Variants in SPAAR observed in about 807,000 individuals in gnomAD.
The protein encoded by SPAAR is small regulatory polypeptide of amino acid response.
For missense variants in SPAAR, 59 were observed against 39.9 expected, an observed-to-expected ratio of 1.48 and a Z score of -1.29; for synonymous variants, 27 against 15.9, an observed-to-expected ratio of 1.70 and a Z score of -1.66.
In SPAAR at chr9:35,910,648, C is replaced by T. The variant is rs1342342674; in HGVS notation, c.185C>T (p.Ala62Val). The stretch of plus-strand genomic sequence containing the variant: ...CTCTTCACGGGGCCTGTTCGCCATG[C>T]CCAGCCAGTGCCAAGTGCCCAGGAC... The part of the protein sequence containing the change: ...ASLFTGPVRH[A>V]QPVPSAQDFW... The change falls in exon 2 of 2, where the codon GCC (alanine) becomes GTC (valine). Residue 62 changes from alanine (A) to valine (V), a missense_variant. Coordinates refer to ENST00000443779, the MANE Select transcript of SPAAR (RefSeq NM_001348107.3). The T allele has an allele frequency of 4.3e-6, 3 of 702,504 alleles. No homozygotes were observed. The highest frequency in any genetic ancestry group is 7.8e-6 in the Non-Finnish European group (3 of 384,776). 43.5% of individuals were successfully genotyped at this position (702,504 alleles called of 1,614,324 possible).
At position 35,910,383 on chromosome 9, in the gene SPAAR, G is replaced by T; in HGVS notation, c.-81G>T. The T allele has an allele frequency of 1.4e-6, 1 of 694,284 alleles. No individual in the cohort carries two copies. The highest frequency in any genetic ancestry group is 2.6e-6 in the Non-Finnish European group (1 of 380,534). 43.0% of individuals were successfully genotyped at this position (694,284 alleles called of 1,614,324 possible). A position where few individuals can be genotyped will look rare whatever the true frequency, so the allele number is the denominator to read the frequency against. ...GGAAGGAGAGCCGCCGGAGGAGCAC[G>T]GGGCACCTGCGATCGCGAAGAGCCT... On this transcript the variant is annotated 5_prime_UTR_variant, in exon 2 of 2. Transcript: ENST00000443779.
chr9:35,910,840 C>G lies in SPAAR; in HGVS notation c.*149C>G, dbSNP rs1246213598. On this transcript the variant is annotated 3_prime_UTR_variant, in exon 2 of 2. Coordinates refer to ENST00000443779, the MANE Select transcript of SPAAR (RefSeq NM_001348107.3). ...ACTTCCCGTCTCCTCCCATTCCAGC[C>G]TTCTGTGCCCTCCAGCCTCAGGGAT... 14 of 602,954 alleles carry G rather than the reference C, an allele frequency of 2.3e-5. No homozygotes were observed. The highest frequency in any genetic ancestry group is 3.8e-5 in the Non-Finnish European group (13 of 339,434). 37.4% of individuals were successfully genotyped at this position (602,954 alleles called of 1,614,324 possible). A position where few individuals can be genotyped will look rare whatever the true frequency, so the allele number is the denominator to read the frequency against.
chr9:35,910,930 A>G lies in SPAAR; in HGVS notation c.*239A>G, dbSNP rs981742673. On this transcript the variant is annotated 3_prime_UTR_variant, in exon 2 of 2. Coordinates refer to ENST00000443779, the MANE Select transcript of SPAAR (RefSeq NM_001348107.3). ...GATGGGGCTTAGGAGAGCTCTGAGG[A>G]GTGAGTGAACAGACAGCGCCGGAGT... 3.3e-4 allele frequency: 171 copies of G among 511,310 alleles called. No homozygotes were observed. The highest frequency in any genetic ancestry group is 1.0e-3 in the Middle Eastern group (2 of 1,990). 31.7% of individuals were successfully genotyped at this position (511,310 alleles called of 1,614,324 possible).
At chr9:35,909,842 C>T (rs1833145339) in intron 1 of SPAAR, among the ~76,000 whole-genome samples, 1 of 152,144 alleles carries the variant, frequency 6.6e-6, no homozygotes, top group Non-Finnish European at 1.5e-5. Flanking sequence ...AAGGCCCTGG[C>T]ACCTGGGGTG....
Position 35,910,398 on chromosome 9 carries a change from G to A in SPAAR, c.-66G>A, listed in dbSNP as rs141915403. 166 of 699,682 alleles carry A rather than the reference G, an allele frequency of 2.4e-4. No individual in the cohort carries two copies. Among genetic ancestry groups the A allele is most frequent in the Middle Eastern group, 1.9e-3 (8 of 4,128 alleles). The allele number at this position is 699,682 out of a possible 1,614,324, so 43.3% of individuals were successfully genotyped here. A position where few individuals can be genotyped will look rare whatever the true frequency, so the allele number is the denominator to read the frequency against. On this transcript the variant is annotated 5_prime_UTR_variant, in exon 2 of 2. Transcript: ENST00000443779. Reference sequence around the variant, plus strand: ...GGAGGAGCACGGGGCACCTGCGATCGCGAAGAGCCTCCTGTTCTGGATGGG... The same window carrying A: ...GGAGGAGCACGGGGCACCTGCGATCACGAAGAGCCTCCTGTTCTGGATGGG...
In SPAAR at chr9:35,911,409, C is replaced by G. The variant is rs894016871; in HGVS notation, c.*718C>G. 1.3e-5 allele frequency: 2 copies of G among 152,216 alleles called. No individual in the cohort carries two copies. The highest frequency in any genetic ancestry group is 2.9e-5 in the Non-Finnish European group (2 of 68,040). The allele number at this position is 152,216 out of a possible 1,614,324, so 9.4% of individuals were successfully genotyped here. The stretch of plus-strand genomic sequence containing the variant: ...ATGAGACTTTATTGCTATATTCCAA[C>G]AGGTCACTCCTATTCTTAGAGAATG... On this transcript the variant is annotated 3_prime_UTR_variant, in exon 2 of 2. Transcript: ENST00000443779.
Position 35,909,521 on chromosome 9 carries a change from G to A in SPAAR, c.-351G>A, listed in dbSNP as rs748802. ...GCTGCAGCACCCAGGGAGGAACGCC[G>A]TGGTCCCTGGGACGGCCACCAGGCC... On this transcript the variant is annotated 5_prime_UTR_variant, in exon 1 of 2. It adds an upstream start codon to the 5' untranslated region. Transcript: ENST00000443779. 0.42 allele frequency: 63,833 copies of A among 152,198 alleles called. 15,153 individuals carry two copies. Among genetic ancestry groups the A allele is most frequent in the African/African-American group, 0.65 (26,949 of 41,458 alleles). The allele number at this position is 152,198 out of a possible 1,614,324, so 9.4% of individuals were successfully genotyped here.
chr9:35,910,767 C>T lies in SPAAR; in HGVS notation c.*76C>T. 1.6e-6 allele frequency: 1 copy of T among 628,138 alleles called. No homozygotes were observed. Among genetic ancestry groups the T allele is most frequent in the Non-Finnish European group, 2.9e-6 (1 of 348,646 alleles). The allele number at this position is 628,138 out of a possible 1,614,324, so 38.9% of individuals were successfully genotyped here. On this transcript the variant is annotated 3_prime_UTR_variant, in exon 2 of 2. Coordinates refer to ENST00000443779, the MANE Select transcript of SPAAR (RefSeq NM_001348107.3). ...CTCAGCAAGCCTTCCCTGGCCTTCC[C>T]CTCCTCCCAGGGCCTTCTCCCTGTC...
Position 35,910,490 on chromosome 9 carries a change from G to A in SPAAR, c.27G>A (p.Val9=), listed in dbSNP as rs1203641396. The change falls in exon 2 of 2, where the codon GTG becomes GTA. Residue 9 remains valine, a synonymous_variant. Coordinates refer to ENST00000443779, the MANE Select transcript of SPAAR (RefSeq NM_001348107.3). Reference sequence around the variant, plus strand: ...TGGAAACGGCAGTGATTGGGGTGGTGGTGGTGCTGTTCGTGGTGACTGTGG... The same window carrying A: ...TGGAAACGGCAGTGATTGGGGTGGTAGTGGTGCTGTTCGTGGTGACTGTGG... METAVIGV[V]VVLFVVTVAI... The A allele has an allele frequency of 8.5e-6, 6 of 702,938 alleles. No individual in the cohort carries two copies. The highest frequency in any genetic ancestry group is 8.0e-5 in the Admixed American group (4 of 49,986). 43.5% of individuals were successfully genotyped at this position (702,938 alleles called of 1,614,324 possible).
chr9:35,909,810 C>T (rs1833145066), intron 1 of SPAAR, among the ~76,000 whole-genome samples: 1 of 152,354 alleles, frequency 6.6e-6, no homozygotes, highest in Non-Finnish European at 1.5e-5. Flanking sequence ...ATGCAACCTG[C>T]CCCTGCCTCC....
At position 35,910,591 on chromosome 9, in the gene SPAAR, T is replaced by C. The variant is rs1216768806; in HGVS notation, c.128T>C (p.Phe43Ser). The change falls in exon 2 of 2, where the codon TTC becomes TCC. Residue 43 changes from phenylalanine to serine, a missense_variant. Transcript: ENST00000443779. The stretch of plus-strand genomic sequence containing the variant: ...CCTCAGGGGGGTCCTGGCCGCAGCT[T>C]CACGGTGGCCACGTTTCGCCAGGAA... ...QDPQGGPGRSFTVATFRQEAS... is the reference protein window; with the variant it reads ...QDPQGGPGRSSTVATFRQEAS... 1 of 702,918 alleles carries C rather than the reference T, an allele frequency of 1.4e-6. No individual in the cohort carries two copies. Among genetic ancestry groups the C allele is most frequent in the Admixed American group, 2.0e-5 (1 of 50,010 alleles). The allele number at this position is 702,918 out of a possible 1,614,324, so 43.5% of individuals were successfully genotyped here.
rs1833149019 is a variant in SPAAR, at chr9:35,910,206, A to T, written c.-258A>T. On this transcript the variant is annotated 5_prime_UTR_variant, in exon 2 of 2. An upstream start codon of the reference 5' UTR is lost. Coordinates refer to ENST00000443779, the MANE Select transcript of SPAAR (RefSeq NM_001348107.3). ...GACAGTGCTTCTTCTAGAAGCTGAC[A>T]TGGAGCTGACCACAGCTCTTGGAGG... The T allele has an allele frequency of 1.8e-6, 1 of 552,578 alleles. No individual in the cohort carries two copies. The highest frequency in any genetic ancestry group is 2.1e-5 in the South Asian group (1 of 47,288). 34.2% of individuals were successfully genotyped at this position (552,578 alleles called of 1,614,324 possible). A position where few individuals can be genotyped will look rare whatever the true frequency, so the allele number is the denominator to read the frequency against.
Position 35,910,584 on chromosome 9 carries a change from C to A in SPAAR, c.121C>A (p.Arg41Ser). The change falls in exon 2 of 2, where the codon CGC (arginine) becomes AGC (serine). Residue 41 changes from arginine (R) to serine (S), a missense_variant. Arg to Ser is a moderately radical substitution (Grantham distance 110). Transcript: ENST00000443779. ...RAQDPQGGPGRSFTVATFRQE... is the reference protein window; with the variant it reads ...RAQDPQGGPGSSFTVATFRQE... ...CCAGGATCCTCAGGGGGGTCCTGGC[C>A]GCAGCTTCACGGTGGCCACGTTTCG... is the stretch of plus-strand genomic sequence containing the variant. 1.4e-6 allele frequency: 1 copy of A among 702,900 alleles called. No individual in the cohort carries two copies. Among genetic ancestry groups the A allele is most frequent in the Non-Finnish European group, 2.6e-6 (1 of 384,978 alleles). 43.5% of individuals were successfully genotyped at this position (702,900 alleles called of 1,614,324 possible).
At position 35,910,385 on chromosome 9, in the gene SPAAR, G is replaced by A. The variant is rs1411090849; in HGVS notation, c.-79G>A. 8.6e-6 allele frequency: 6 copies of A among 696,306 alleles called. No homozygotes were observed. In the Admixed American group the frequency reaches 1.0e-4, roughly 12 times the overall value. The allele number at this position is 696,306 out of a possible 1,614,324, so 43.1% of individuals were successfully genotyped here. On this transcript the variant is annotated 5_prime_UTR_variant, in exon 2 of 2. Coordinates refer to ENST00000443779, the MANE Select transcript of SPAAR (RefSeq NM_001348107.3). ...AAGGAGAGCCGCCGGAGGAGCACGG[G>A]GCACCTGCGATCGCGAAGAGCCTCC...
chr9:35,909,949 G>C (rs1833146578), intron 1 of SPAAR: 1 of 157,356 alleles, frequency 6.4e-6, no homozygotes, highest in African/African-American at 2.4e-5. Context: ...TGGGGAGGCA[G>C]CAGATAGGCC....
rs1357026812 is a variant in SPAAR, at chr9:35,910,874, T to C, written c.*183T>C. 3 of 586,382 alleles carry C rather than the reference T, an allele frequency of 5.1e-6. No homozygotes were observed. Among genetic ancestry groups the C allele is most frequent in the South Asian group, 2.0e-5 (1 of 49,378 alleles). The allele number at this position is 586,382 out of a possible 1,614,324, so 36.3% of individuals were successfully genotyped here. On this transcript the variant is annotated 3_prime_UTR_variant, in exon 2 of 2. Transcript: ENST00000443779. The stretch of plus-strand genomic sequence containing the variant: ...CCTCCAGCCTCAGGGATCCTTGTTA[T>C]TGGGACAGCCCAGCTGGGGTTGACC...
In SPAAR at chr9:35,910,950, C is replaced by CTTTTTTAATGATAT; in HGVS notation, c.*259_*260insTTTTTTAATGATAT. Reference sequence around the variant, plus strand: ...TGAGGAGTGAGTGAACAGACAGCGCCGGAGTGCACGGTGGGCCGGCTCTGC... The same window carrying CTTTTTTAATGATAT: ...TGAGGAGTGAGTGAACAGACAGCGCCTTTTTTAATGATATGGAGTGCACGGTGGGCCGGCTCTGC... On this transcript the variant is annotated 3_prime_UTR_variant, in exon 2 of 2. Coordinates refer to ENST00000443779, the MANE Select transcript of SPAAR (RefSeq NM_001348107.3). 2.3e-6 allele frequency: 1 copy of CTTTTTTAATGATAT among 443,672 alleles called. No homozygotes were observed. Among genetic ancestry groups the CTTTTTTAATGATAT allele is most frequent in the South Asian group, 3.7e-5 (1 of 26,910 alleles). 27.5% of individuals were successfully genotyped at this position (443,672 alleles called of 1,614,324 possible). A position where few individuals can be genotyped will look rare whatever the true frequency, so the allele number is the denominator to read the frequency against.
In SPAAR at chr9:35,910,697, G is replaced by T. The variant is rs996052005; in HGVS notation, c.*6G>T. ...ACTTCTGGACCTTCATGTGACGCCC[G>T]AGTCCCCAGGATTTGCTGTGCTGAT... On this transcript the variant is annotated 3_prime_UTR_variant, in exon 2 of 2. Transcript: ENST00000443779. 4.4e-6 allele frequency: 3 copies of T among 683,790 alleles called. No individual in the cohort carries two copies. The highest frequency in any genetic ancestry group is 2.1e-5 in the Admixed American group (1 of 48,766). The allele number at this position is 683,790 out of a possible 1,614,324, so 42.4% of individuals were successfully genotyped here.
chr9:35,910,485 G>A lies in SPAAR; in HGVS notation c.22G>A (p.Val8Met), dbSNP rs1588213861. Residue 8 changes from valine to methionine, a missense_variant, in exon 2 of 2, where the codon GTG (valine) becomes ATG (methionine). By Grantham distance (21) the Val-to-Met change is conservative (BLOSUM62 1). Coordinates refer to ENST00000443779, the MANE Select transcript of SPAAR (RefSeq NM_001348107.3). METAVIGVVVVLFVVTVA... is the reference protein window; with the variant it reads METAVIGMVVVLFVVTVA... ...GGCCATGGAAACGGCAGTGATTGGG[G>A]TGGTGGTGGTGCTGTTCGTGGTGAC... 1 of 703,060 alleles carries A rather than the reference G, an allele frequency of 1.4e-6. No homozygotes were observed. Among genetic ancestry groups the A allele is most frequent in the African/African-American group, 1.7e-5 (1 of 57,368 alleles). The allele number at this position is 703,060 out of a possible 1,614,324, so 43.6% of individuals were successfully genotyped here.
Sources: gnomAD v4.1 joint callset for allele counts (sites outside exome capture counted in the v4.1 genomes callset) on GRCh38, gnomAD v4.1.1 for gene constraint, MANE v1.5 for transcripts, NCBI Gene and HGNC (gene_info 2026-07-23, HGNC 2026-07-21) for gene names.